Variants in AKAP9 observed in about 807,000 individuals in gnomAD.
The protein encoded by AKAP9 is A-kinase anchoring protein 9.
Under a neutral mutation model 488.5 loss-of-function variants are expected in AKAP9, and 311 were observed. That is an observed-to-expected ratio of 0.64 (90% CI 0.58 to 0.70). AKAP9 has a LOEUF of 0.70. AKAP9 is among the 30% of genes least tolerant of loss of function. The pLI is 0.00. For missense variants in AKAP9, 4,215 were observed against 4,374.5 expected (o/e 0.96, Z 1.03); for synonymous variants, 1,462 against 1,483.5 (o/e 0.99, Z 0.33).
At chr7:92,014,385 C>A in intron 10 of AKAP9, 57 bp downstream of exon 10, 1 of 1,306,360 alleles carries the variant, frequency 7.7e-7, no homozygotes. Flanking sequence ...CTTATAATCC[C>A]AGCACTTTGG....
chr7:92,035,328 T>C (rs1243421817), intron 16 of AKAP9, among the ~76,000 whole-genome samples: 13 of 152,248 alleles, frequency 8.5e-5, no homozygotes, highest in Admixed American at 8.5e-4. Context: ...AAATACCTCA[T>C]ATAATTTCAG....
chr7:92,021,792 C>T (rs913315436), intron 12 of AKAP9, among the ~76,000 whole-genome samples: 1 of 152,172 alleles, frequency 6.6e-6, no homozygotes, highest in Non-Finnish European at 1.5e-5. Context: ...TTTTTGTTTA[C>T]TGTACAGAGC....
Position 92,105,664 on chromosome 7 carries a change from G to T in AKAP9, c.11331-14G>T. The T allele has an allele frequency of 6.2e-7, 1 of 1,605,590 alleles. No individual in the cohort carries two copies. The highest frequency in any genetic ancestry group is 1.1e-5 in the South Asian group (1 of 90,884). ...TAGATGGGCTGTGAAATTTTATCTT[G>T]GAATCTTTTTTAGAATGAAATTTTT... On this transcript the variant is annotated splice_polypyrimidine_tract_variant and intron_variant, in intron 46 of 49. Transcript: ENST00000356239.
At chr7:92,029,492 T>A (rs1358870493) in intron 14 of AKAP9, among the ~76,000 whole-genome samples, 1 of 152,170 alleles carries the variant, frequency 6.6e-6, no homozygotes, top group Non-Finnish European at 1.5e-5. Flanking sequence ...AAAAAAAATG[T>A]TAGTACTGGC....
At chr7:92,046,312 A>T (rs1465271750) in intron 21 of AKAP9, among the ~76,000 whole-genome samples, 2 of 152,208 alleles carry the variant, frequency 1.3e-5, no homozygotes, top group African/African-American at 4.8e-5. Context: ...GTTCACTACC[A>T]TTCCACACTC....
intron 1 of AKAP9, among the ~76,000 whole-genome samples, chr7:91,966,033 A>C (rs1435880857): frequency 2.0e-5 from 3 of 152,154 alleles, no homozygotes; most frequent in East Asian, 1.9e-4. Context: ...GAAACTTTTT[A>C]GCTTTAAAAA....
chr7:91,951,242 T>A (rs1792202493), intron 1 of AKAP9, among the ~76,000 whole-genome samples: 1 of 152,028 alleles, frequency 6.6e-6, no homozygotes, highest in Non-Finnish European at 1.5e-5. Context: ...TGTACTTAAA[T>A]TTTTTTAATG....
intron 1 of AKAP9, among the ~76,000 whole-genome samples, chr7:91,956,995 G>C (rs989686448): frequency 1.3e-5 from 2 of 152,056 alleles, no homozygotes; most frequent in Non-Finnish European, 2.9e-5. Flanking sequence ...AAATGCTTTA[G>C]TATTTAAAGG....
intron 1 of AKAP9, among the ~76,000 whole-genome samples, chr7:91,962,225 A>G (rs1292472632): frequency 1.3e-5 from 2 of 152,194 alleles, no homozygotes; most frequent in Admixed American, 6.5e-5. Context: ...ATCTATTAGT[A>G]TAAGAAATTG....
intron 39 of AKAP9, among the ~76,000 whole-genome samples, chr7:92,094,438 C>CA (rs1327587140): frequency 2.6e-5 from 4 of 151,866 alleles, no homozygotes; most frequent in Non-Finnish European, 4.4e-5. Flanking sequence ...GAGGGTGAGG[C>CA]AGGAGAATCA....
chr7:92,023,529 C>T (rs553554045), intron 14 of AKAP9, among the ~76,000 whole-genome samples: 6 of 152,136 alleles, frequency 3.9e-5, no homozygotes, highest in African/African-American at 2.4e-5. Flanking sequence ...TCTATCAAGA[C>T]GTCCTATTTT....
chr7:91,971,966 T>A, intron 1 of AKAP9, among the ~76,000 whole-genome samples: 1 of 55,230 alleles, frequency 1.8e-5, no homozygotes, highest in Non-Finnish European at 3.9e-5. Context: ...CATAGAGTCT[T>A]TTATGTTTTG....
chr7:92,073,374 C>T lies in AKAP9; in HGVS notation c.6612+2365C>T, dbSNP rs561807628. On this transcript the variant is annotated intron_variant, in intron 28 of 49. Coordinates refer to ENST00000356239, the MANE Select transcript of AKAP9 (RefSeq NM_005751.5). Reference sequence around the variant, plus strand: ...AAAAAAAATTAGCCGGGTGTGGTGGCGGGCGCCTGTAGTCCCAGCTACTCG... The same window carrying T: ...AAAAAAAATTAGCCGGGTGTGGTGGTGGGCGCCTGTAGTCCCAGCTACTCG... Among the ~76,000 whole-genome samples, 130 of 150,156 alleles carry T rather than the reference C, an allele frequency of 8.7e-4. 1 individual carries two copies. The Middle Eastern group carries it at 0.014, about 16-fold the overall frequency.
chr7:92,099,894 T>C (rs754950338), intron 44 of AKAP9, 25 bp downstream of exon 44: 48 of 1,608,008 alleles, frequency 3.0e-5, no homozygotes, highest in Middle Eastern at 3.3e-4. Flanking sequence ...AGCATCTCCA[T>C]ATATGAGAAT....
chr7:92,075,931 T>C (rs990403266), intron 28 of AKAP9, among the ~76,000 whole-genome samples: 1 of 152,196 alleles, frequency 6.6e-6, no homozygotes, highest in Non-Finnish European at 1.5e-5. Flanking sequence ...ATAAGCTGCT[T>C]TCTGAGCCAC....
intron 8 of AKAP9, among the ~76,000 whole-genome samples, chr7:92,007,870 G>A (rs547332391): frequency 6.6e-6 from 1 of 152,308 alleles, no homozygotes; most frequent in South Asian, 2.1e-4. Context: ...AACATGATGT[G>A]TTGAACAATG....
At position 91,987,966 on chromosome 7, in the gene AKAP9, G is replaced by GT. The variant is rs776086264; in HGVS notation, c.352-4190dup. Among the ~76,000 whole-genome samples, 20 of 152,196 alleles carry GT rather than the reference G, an allele frequency of 1.3e-4. 1 individual carries two copies. The South Asian group carries it at 1.5e-3, about 11-fold the overall frequency. ...GTGGGAAGATCACTGGAGCTCAGGA[G>GT]TTCGAGACCAGCCTTGGCTACATAG... On this transcript the variant is annotated intron_variant, in intron 3 of 49. Coordinates refer to ENST00000356239, the MANE Select transcript of AKAP9 (RefSeq NM_005751.5).
At chr7:92,099,569 ATACTC>A in intron 43 of AKAP9, 113 bp from the exon 44 acceptor site, 2 of 985,292 alleles carry the variant, frequency 2.0e-6, no homozygotes, top group Non-Finnish European at 1.6e-6. Context: ...CTATTACTGA[ATACTC>A]AACTCAAGCA....
rs1191834889 is a variant in AKAP9, at chr7:92,061,401, G to A, written c.5743G>A (p.Val1915Met). Residue 1915 changes from valine (V) to methionine (M), a missense_variant, in exon 23 of 50, where the codon GTG becomes ATG. Physicochemically the swap from Val to Met is conservative, Grantham distance 21. Transcript: ENST00000356239. ...GTCCAGGGCCAGAGAACAGCTAGCT[G>A]TGGAGCTCAGTAAGGCTGAGGGTGA... is the stretch of plus-strand genomic sequence containing the variant. ...EESRAREQLA[V>M]ELSKAEGVID... 6.2e-7 allele frequency: 1 copy of A among 1,612,730 alleles called. No individual in the cohort carries two copies. The highest frequency in any genetic ancestry group is 8.5e-7 in the Non-Finnish European group (1 of 1,179,340).
Sources: allele counts gnomAD v4.1 joint callset (sites outside exome capture counted in the v4.1 genomes callset), GRCh38; gene constraint gnomAD v4.1.1; transcripts MANE v1.5; gene names NCBI Gene and HGNC (gene_info 2026-07-23, HGNC 2026-07-21).